The following ASPG variants were observed in gnomAD, a reference collection of about 807,000 sequenced individuals.
The protein encoded by ASPG is 60 kDa lysophospholipase.
In ASPG, 53 loss-of-function variants were observed where a neutral mutation model predicts 63.2. That is an observed-to-expected ratio of 0.84 (90% CI 0.67 to 1.05). The LOEUF (loss-of-function observed/expected upper bound fraction) is 1.05, where lower values mean the gene tolerates loss of function less well. ASPG is among the 50% of genes least tolerant of loss of function. The pLI, the probability that ASPG is intolerant of heterozygous loss-of-function variation, is 0.00. For missense variants in ASPG, 741 were observed against 794.4 expected (o/e 0.93, Z 0.81); for synonymous variants, 370 against 355.0 (o/e 1.04, Z -0.48).
chr14:104,096,017 C>T (rs563019596), intron 4 of ASPG, among the ~76,000 whole-genome samples: 205 of 152,292 alleles, frequency 1.3e-3, no homozygotes, highest in East Asian at 4.1e-3. Context: ...AGGGTGGCCG[C>T]GCACAGAGCC....
Position 104,112,529 on chromosome 14 carries a change from G to A in ASPG, c.1707G>A (p.Val569=). The A allele has an allele frequency of 6.6e-7, 1 of 1,509,056 alleles. No individual in the cohort carries two copies. Among genetic ancestry groups the A allele is most frequent in the Non-Finnish European group, 9.2e-7 (1 of 1,084,736 alleles). 93.5% of individuals were successfully genotyped at this position (1,509,056 alleles called of 1,614,324 possible). A position where few individuals can be genotyped will look rare whatever the true frequency, so the allele number is the denominator to read the frequency against. Residue 569 remains valine, a synonymous_variant, in exon 16 of 16, where the codon GTG becomes GTA. Transcript: ENST00000551177. The part of the protein sequence containing the change: ...AVGAQAPCPE[V]LPGV The stretch of plus-strand genomic sequence containing the variant: ...AGGAGCCCTCATGTTTTCAGGAAGT[G>A]CTGCCTGGTGTCTAACCTGAAGGCG...
chr14:104,103,959 G>A (rs916683214), intron 7 of ASPG, among the ~76,000 whole-genome samples: 2 of 152,264 alleles, frequency 1.3e-5, no homozygotes, highest in Non-Finnish European at 2.9e-5. Flanking sequence ...ATTCCAGCTG[G>A]CTGGGAGCCG....
chr14:104,106,417 G>T (rs2037130439), intron 10 of ASPG, among the ~76,000 whole-genome samples: 1 of 152,192 alleles, frequency 6.6e-6, no homozygotes, highest in Non-Finnish European at 1.5e-5. Context: ...TCCTTCCAGG[G>T]GAGGGGTCTG....
intron 1 of ASPG, among the ~76,000 whole-genome samples, chr14:104,089,265 C>T (rs1343037206): frequency 1.3e-5 from 2 of 152,172 alleles, no homozygotes; most frequent in African/African-American, 2.4e-5. Context: ...GTAATCCCAG[C>T]ACTTTGGGAG....
chr14:104,097,100 G>C (rs905439788), intron 4 of ASPG, among the ~76,000 whole-genome samples: 2 of 151,856 alleles, frequency 1.3e-5, no homozygotes, highest in African/African-American at 4.8e-5. Context: ...TGCTGGGGTA[G>C]CGAGGGAGCT....
rs147099685 is a variant in ASPG at position 104,086,749 on chromosome 14, C to T, written c.82+897C>T. Among the ~76,000 whole-genome samples the T allele has an allele frequency of 2.8e-4, 43 of 152,218 alleles. No homozygotes were observed. In the East Asian group the frequency reaches 8.3e-3, roughly 29 times the overall value. ...CCTGTTTGCGACCCTCCATGGGCCA[C>T]TGCCTGCCTTTCCCTCAGGAGCCCT... On this transcript the variant is annotated intron_variant, in intron 1 of 15. Coordinates refer to ENST00000551177, the MANE Select transcript of ASPG (RefSeq NM_001080464.3).
In ASPG at chr14:104,109,426, G is replaced by A. The variant is rs2141056288; in HGVS notation, c.1520+111G>A. 1 of 1,246,314 alleles carries A rather than the reference G, an allele frequency of 8.0e-7. No homozygotes were observed. The highest frequency in any genetic ancestry group is 1.1e-6 in the Non-Finnish European group (1 of 910,508). 77.2% of individuals were successfully genotyped at this position (1,246,314 alleles called of 1,614,324 possible). A position where few individuals can be genotyped will look rare whatever the true frequency, so the allele number is the denominator to read the frequency against. On this transcript the variant is annotated intron_variant, in intron 13 of 15. Coordinates refer to ENST00000551177, the MANE Select transcript of ASPG (RefSeq NM_001080464.3). The surrounding 1 kb of genome is among the most constrained non-coding windows in gnomAD (Gnocchi z 4.8). Reference sequence around the variant, plus strand: ...GTGAGTCAGGGTGTGGGGGCTTTCAGAGGCGAGGCCCGCTGACCTCAGTGT... The same window carrying A: ...GTGAGTCAGGGTGTGGGGGCTTTCAAAGGCGAGGCCCGCTGACCTCAGTGT...
intron 4 of ASPG, 74 bp downstream of exon 4, chr14:104,095,730 GC>G: frequency 1.3e-6 from 2 of 1,581,384 alleles, no homozygotes; most frequent in Non-Finnish European, 1.7e-6. Context: ...GCTGTGGGCG[GC>G]CGCTGCGGGA....
chr14:104,109,971 G>A lies in ASPG; in HGVS notation c.1520+656G>A, dbSNP rs1329813051. ...CCTTCGGCGAGGGTGTCGGTTGTGG[G>A]TGGAGGTGGGCCAGGGATGCAGGGA... On this transcript the variant is annotated intron_variant, in intron 13 of 15. Transcript: ENST00000551177. This position sits in a 1 kb window ranked among gnomAD's most constrained non-coding sequence, Gnocchi z 4.8. The A allele has an allele frequency of 2.0e-6, 2 of 985,254 alleles. No individual in the cohort carries two copies. The highest frequency in any genetic ancestry group is 3.5e-5 in the African/African-American group (2 of 57,208). The allele number at this position is 985,254 out of a possible 1,614,324, so 61.0% of individuals were successfully genotyped here.
intron 12 of ASPG, chr14:104,108,378 C>T (rs1411713504): frequency 4.1e-6 from 4 of 983,486 alleles, no homozygotes; most frequent in South Asian, 4.7e-5. Flanking sequence ...CCCGCCCCCT[C>T]GTCTCCTCCT....
chr14:104,111,811 C>G (rs919673822), intron 14 of ASPG, 109 bp from the exon 15 acceptor site: 4 of 1,154,476 alleles, frequency 3.5e-6, no homozygotes, highest in South Asian at 1.5e-5. Flanking sequence ...TGCTGGGGCC[C>G]TGTGTGTGTG....
chr14:104,101,589 G>A (rs1771014), intron 6 of ASPG, among the ~76,000 whole-genome samples: 130,451 of 151,678 alleles, frequency 0.86, 56,392 homozygotes, highest in South Asian at 0.91. Flanking sequence ...TCTGTGCTGA[G>A]CCCTGACCCC....
intron 14 of ASPG, 65 bp from the exon 15 acceptor site, chr14:104,111,855 G>A: frequency 2.0e-6 from 3 of 1,481,042 alleles, no homozygotes; most frequent in Non-Finnish European, 2.7e-6. Context: ...CTGGGGATGG[G>A]GATCCTTGGG....
intron 3 of ASPG, 58 bp downstream of exon 3, chr14:104,093,660 G>A: frequency 5.6e-6 from 5 of 894,048 alleles, no homozygotes; most frequent in Non-Finnish European, 4.2e-6. Flanking sequence ...GCTGAGGTGT[G>A]TGGGTGGGGC....
At chr14:104,107,955 G>A (rs2037212080) in intron 12 of ASPG, among the ~76,000 whole-genome samples, 1 of 152,196 alleles carries the variant, frequency 6.6e-6, no homozygotes, top group African/African-American at 2.4e-5. Flanking sequence ...AGATCCCAGG[G>A]CCCCTGGGGA....
In ASPG at chr14:104,110,250, G is replaced by C; in HGVS notation, c.1520+935G>C. 1 of 985,166 alleles carries C rather than the reference G, an allele frequency of 1.0e-6. No homozygotes were observed. The highest frequency in any genetic ancestry group is 1.2e-6 in the Non-Finnish European group (1 of 829,780). The allele number at this position is 985,166 out of a possible 1,614,324, so 61.0% of individuals were successfully genotyped here. A position where few individuals can be genotyped will look rare whatever the true frequency, so the allele number is the denominator to read the frequency against. ...GGCTTGGGGAGTGGGTGATGGCGGG[G>C]GCTCGGCTCACTGGCTGGGAGGGGG... On this transcript the variant is annotated intron_variant, in intron 13 of 15. Coordinates refer to ENST00000551177, the MANE Select transcript of ASPG (RefSeq NM_001080464.3). This position sits in a 1 kb window ranked among gnomAD's most constrained non-coding sequence, Gnocchi z 4.7.
At chr14:104,097,273 G>A (rs565666347) in intron 4 of ASPG, among the ~76,000 whole-genome samples, 1 of 152,328 alleles carries the variant, frequency 6.6e-6, no homozygotes, top group East Asian at 1.9e-4. Context: ...GCTGTTGGTG[G>A]GTGGGTTGAG....
intron 14 of ASPG, 120 bp from the exon 15 acceptor site, chr14:104,111,800 C>A: frequency 9.3e-7 from 1 of 1,077,394 alleles, no homozygotes; most frequent in Non-Finnish European, 1.3e-6. Flanking sequence ...AGTGGAGGAG[C>A]TGCTGGGGCC....
rs542850067 is a variant in ASPG at position 104,104,729 on chromosome 14, G to T, written c.1044G>T (p.Arg348Ser). 6.3e-6 allele frequency: 10 copies of T among 1,593,436 alleles called. No homozygotes were observed. The highest frequency in any genetic ancestry group is 8.6e-6 in the Non-Finnish European group (10 of 1,167,180). The change falls in exon 9 of 16, where the codon AGG becomes AGT. Residue 348 changes from arginine (R) to serine (S), a missense_variant. Arg to Ser is a moderately radical substitution (Grantham distance 110). Transcript: ENST00000551177. ...LGQPGLSLDVRKELLTKDLRG... is the reference protein window; with the variant it reads ...LGQPGLSLDVSKELLTKDLRG... ...AGCCAGGGCTGAGCCTGGATGTCAG[G>T]AAGGAGGTGCGGGCGCTCTCGGGCT...
Sources: allele counts gnomAD v4.1 joint callset (sites outside exome capture counted in the v4.1 genomes callset), GRCh38; gene constraint gnomAD v4.1.1; non-coding constraint Gnocchi (gnomAD v3.1); transcripts MANE v1.5; gene names NCBI Gene and HGNC (gene_info 2026-07-23, HGNC 2026-07-21).